CNTN3: variants seen among roughly 807,000 people sequenced by gnomAD.
CNTN3 encodes the protein contactin-3.
Under a neutral mutation model 119.1 loss-of-function variants are expected in CNTN3, and 60 were observed. The ratio of observed to expected loss-of-function variants is 0.50; its 90% CI spans 0.41 to 0.62. The LOEUF is 0.62. CNTN3 is among the 20% of genes least tolerant of loss of function. The probability of loss-of-function intolerance (pLI) is 0.00; values close to 1 mark genes in which losing one functional copy is unlikely to be tolerated. For missense variants in CNTN3, 1,101 were observed against 1,242.4 expected (o/e 0.89, Z 1.71); for synonymous variants, 450 against 438.7 (o/e 1.03, Z -0.32).
chr3:74,608,531 T>C (rs763921052), intron 1 of CNTN3, among the ~76,000 whole-genome samples: 17 of 152,318 alleles, frequency 1.1e-4, no homozygotes, highest in South Asian at 4.1e-4. Flanking sequence ...AACCTTTGGC[T>C]TATGCTTCCT....
At chr3:74,265,331 A>G (rs181542561) in intron 22 of CNTN3, among the ~76,000 whole-genome samples, 26 of 152,266 alleles carry the variant, frequency 1.7e-4, no homozygotes, top group Admixed American at 1.1e-3. Context: ...AGCCTAGAAC[A>G]TATTTCTTTT....
rs1575700084 is a variant in CNTN3, at chr3:74,288,554, T to C, written c.2518-3063A>G. On this transcript the variant is annotated intron_variant, in intron 19 of 22. Transcript: ENST00000263665. The stretch of plus-strand genomic sequence containing the variant: ...AAGAAGGCATCAATGAAGTTTAAGT[T>C]TGGCATTCTATTATGGCACATTAAT... Among the ~76,000 whole-genome samples the C allele has an allele frequency of 2.0e-5, 3 of 152,136 alleles. 1 individual carries two copies. The highest frequency in any genetic ancestry group is 4.2e-4 in the South Asian group (2 of 4,818).
chr3:74,267,658 G>T, intron 20 of CNTN3: 1 of 320,584 alleles, frequency 3.1e-6, no homozygotes, highest in South Asian at 4.9e-5. Flanking sequence ...TCCCAAAAAA[G>T]GCATTTCAAT....
At position 74,304,744 on chromosome 3, in the gene CNTN3, CA is replaced by C. The variant is rs1455726613; in HGVS notation, c.1669-1938del. ...AGCCATCTTCCTAAAGAAATGTAGTCAGGGGAAATATAATTTTTAATTATCC... is the reference window on the plus strand; with the variant it reads ...AGCCATCTTCCTAAAGAAATGTAGTCGGGGAAATATAATTTTTAATTATCC... On this transcript the variant is annotated intron_variant, in intron 13 of 22. Coordinates refer to ENST00000263665, the MANE Select transcript of CNTN3 (RefSeq NM_020872.3). Among the ~76,000 whole-genome samples the C allele has an allele frequency of 5.9e-5, 9 of 152,156 alleles. No individual in the cohort carries two copies. In the East Asian group the frequency reaches 1.7e-3, roughly 29 times the overall value.
chr3:74,365,721 A>G lies in CNTN3; in HGVS notation c.947-19T>C, dbSNP rs2106780373. The G allele has an allele frequency of 6.3e-7, 1 of 1,590,748 alleles. No individual in the cohort carries two copies. Among genetic ancestry groups the G allele is most frequent in the South Asian group, 1.1e-5 (1 of 87,054 alleles). The stretch of plus-strand genomic sequence containing the variant: ...GGCTTTGCTTCAATGAAAGAAAAGG[A>G]AAAAGAAAAGAAATTTAAACCACCC... On this transcript the variant is annotated intron_variant, in intron 8 of 22. Coordinates refer to ENST00000263665, the MANE Select transcript of CNTN3 (RefSeq NM_020872.3).
chr3:74,478,432 T>A lies in CNTN3; in HGVS notation c.358+8024A>T, dbSNP rs115372927. 3.9e-3 allele frequency among the ~76,000 whole-genome samples: 593 copies of A among 152,216 alleles called. 6 individuals are homozygous for A. The highest frequency in any genetic ancestry group is 0.014 in the African/African-American group (569 of 41,528). The stretch of plus-strand genomic sequence containing the variant: ...GAGAGGCTGTCTGAACTGCAGGTGA[T>A]GTTTTGTGGAGGGTCTTGTAAGGTA... On this transcript the variant is annotated intron_variant, in intron 4 of 22. Transcript: ENST00000263665.
At chr3:74,546,336 A>C (rs1703915353) in intron 1 of CNTN3, among the ~76,000 whole-genome samples, 1 of 152,144 alleles carries the variant, frequency 6.6e-6, no homozygotes, top group Admixed American at 6.5e-5. Context: ...GATGGTTAAT[A>C]TTGAGTGTCA....
At chr3:74,335,004 G>A (rs1311386104) in intron 12 of CNTN3, 94 bp from the exon 13 acceptor site, 1 of 794,256 alleles carries the variant, frequency 1.3e-6, no homozygotes, top group African/African-American at 1.7e-5. Flanking sequence ...TACTGTGTAT[G>A]TCTGTAGATG....
intron 5 of CNTN3, among the ~76,000 whole-genome samples, chr3:74,417,731 T>C (rs1701547978): frequency 6.6e-6 from 1 of 152,210 alleles, no homozygotes; most frequent in African/African-American, 2.4e-5. Flanking sequence ...CAAAATATTT[T>C]ATAGTTATCC....
intron 4 of CNTN3, among the ~76,000 whole-genome samples, chr3:74,428,000 C>T (rs921851502): frequency 3.9e-5 from 6 of 152,004 alleles, no homozygotes; most frequent in Non-Finnish European, 5.9e-5. Flanking sequence ...AACAATGTTT[C>T]GGTAAATGCT....
In CNTN3 at chr3:74,542,509, A is replaced by G. The variant is rs140480809; in HGVS notation, c.-80-21317T>C. ...CAAAATCTGAAGCCTGAGAAAGCAC[A>G]TTTTTGAAAAAGTTCTTAACGCATA... On this transcript the variant is annotated intron_variant, in intron 1 of 22. Transcript: ENST00000263665. Among the ~76,000 whole-genome samples, 69 of 152,308 alleles carry G rather than the reference A, an allele frequency of 4.5e-4. 2 individuals carry two copies. The highest frequency in any genetic ancestry group is 6.8e-3 in the Middle Eastern group (2 of 294).
chr3:74,423,782 G>A (rs976621527), intron 5 of CNTN3, among the ~76,000 whole-genome samples: 7 of 152,126 alleles, frequency 4.6e-5, no homozygotes, highest in African/African-American at 1.7e-4. Flanking sequence ...ACCACATGAT[G>A]GCAATCCTAT....
intron 1 of CNTN3, among the ~76,000 whole-genome samples, chr3:74,570,860 G>A (rs1048935999): frequency 6.6e-6 from 1 of 152,156 alleles, no homozygotes; most frequent in African/African-American, 2.4e-5. Flanking sequence ...ACTGAAAGAC[G>A]AGGAATTTGA....
intron 11 of CNTN3, among the ~76,000 whole-genome samples, chr3:74,359,221 G>A (rs1377620067): frequency 3.9e-5 from 6 of 152,052 alleles, no homozygotes; most frequent in South Asian, 4.2e-4. Flanking sequence ...ACCAATGAAC[G>A]GCCAACCAAC....
chr3:74,450,353 G>A (rs1425116257), intron 4 of CNTN3, among the ~76,000 whole-genome samples: 1 of 151,886 alleles, frequency 6.6e-6, no homozygotes, highest in African/African-American at 2.4e-5. Flanking sequence ...AATGTAAATT[G>A]GTGTAACTTT....
At chr3:74,437,535 G>A (rs1427315028) in intron 4 of CNTN3, among the ~76,000 whole-genome samples, 2 of 151,994 alleles carry the variant, frequency 1.3e-5, no homozygotes, top group African/African-American at 4.8e-5. Context: ...TCTATTCTAG[G>A]AAAAACACAT....
At position 74,361,539 on chromosome 3, in the gene CNTN3, C is replaced by T. The variant is rs144398137; in HGVS notation, c.1364+351G>A. On this transcript the variant is annotated intron_variant, in intron 11 of 22. Transcript: ENST00000263665. ...AATATTTGTATTTCTTTGGCATGTG[C>T]TGTTATTATACATCCTTCTCTTCTT... is the stretch of plus-strand genomic sequence containing the variant. 2.0e-5 allele frequency among the ~76,000 whole-genome samples: 3 copies of T among 152,256 alleles called. No homozygotes were observed. In the East Asian group the frequency reaches 5.8e-4, roughly 29 times the overall value.
chr3:74,281,268 G>C (rs1348975399), intron 20 of CNTN3, among the ~76,000 whole-genome samples: 1 of 152,182 alleles, frequency 6.6e-6, no homozygotes, highest in African/African-American at 2.4e-5. Context: ...CTACAGGAGA[G>C]AGTTGGAGGC....
chr3:74,518,050 C>G (rs768218576), intron 2 of CNTN3, among the ~76,000 whole-genome samples: 2 of 151,938 alleles, frequency 1.3e-5, no homozygotes, highest in Admixed American at 6.6e-5. Flanking sequence ...CCAACAGATA[C>G]TTTTGAGACT....
Sources: gnomAD v4.1 joint callset for allele counts (sites outside exome capture counted in the v4.1 genomes callset) on GRCh38, gnomAD v4.1.1 for gene constraint, MANE v1.5 for transcripts, NCBI Gene and HGNC (gene_info 2026-07-23, HGNC 2026-07-21) for gene names.